The following LRPPRC variants were observed in gnomAD, a reference collection of about 807,000 sequenced individuals.
LRPPRC encodes leucine rich pentatricopeptide repeat containing.
A neutral mutation model predicts 180.3 loss-of-function variants in LRPPRC; 120 were observed. That is an observed-to-expected ratio of 0.67 (90% CI 0.57 to 0.77). The LOEUF is 0.77. Among genes scored for constraint, LRPPRC ranks in the 30% least tolerant of loss-of-function variants. The probability of loss-of-function intolerance (pLI) is 0.00; values close to 1 mark genes in which losing one functional copy is unlikely to be tolerated. For missense variants in LRPPRC, 2,012 were observed against 1,657.2 expected (o/e 1.21, Z -3.72); for synonymous variants, 723 against 600.0 (o/e 1.21, Z -3.00).
chr2:43,923,434 G>A (rs1025757534), intron 27 of LRPPRC, among the ~76,000 whole-genome samples: 1 of 152,210 alleles, frequency 6.6e-6, no homozygotes, highest in Non-Finnish European at 1.5e-5. Context: ...TGAGGCTGCA[G>A]TGAGCTCTGA....
chr2:43,896,615 A>G lies in LRPPRC; in HGVS notation c.3900+19T>C. ...GCACGTACAGTATCATTGATTTGTA[A>G]GCAGGTAAAGCACAGTACCTTTCCT... On this transcript the variant is annotated intron_variant, in intron 35 of 37. Coordinates refer to ENST00000260665, the MANE Select transcript of LRPPRC (RefSeq NM_133259.4). 1 of 1,494,418 alleles carries G rather than the reference A, an allele frequency of 6.7e-7. No individual in the cohort carries two copies. Among genetic ancestry groups the G allele is most frequent in the Non-Finnish European group, 9.3e-7 (1 of 1,071,744 alleles). The allele number at this position is 1,494,418 out of a possible 1,614,324, so 92.6% of individuals were successfully genotyped here. A position where few individuals can be genotyped will look rare whatever the true frequency, so the allele number is the denominator to read the frequency against.
rs908616224 is a variant in LRPPRC, at chr2:43,963,904, G to A, written c.1370-198C>T. On this transcript the variant is annotated intron_variant, in intron 11 of 37. Coordinates refer to ENST00000260665, the MANE Select transcript of LRPPRC (RefSeq NM_133259.4). ...ACTCCTCCTTTCTTCATCCCCCTCT[G>A]TGAAACAGTAAATTTCAAGAAACTA... 5 of 598,722 alleles carry A rather than the reference G, an allele frequency of 8.4e-6. No individual in the cohort carries two copies. The African/African-American group carries it at 9.3e-5, about 11-fold the overall frequency. The allele number at this position is 598,722 out of a possible 1,614,324, so 37.1% of individuals were successfully genotyped here. A position where few individuals can be genotyped will look rare whatever the true frequency, so the allele number is the denominator to read the frequency against.
rs1251249037 is a variant in LRPPRC, at chr2:43,888,318, G to A, written c.*282C>T. On this transcript the variant is annotated 3_prime_UTR_variant, in exon 38 of 38. Transcript: ENST00000260665. Reference sequence around the variant, plus strand: ...TTAATGAAATAAATGAAACAGAGCAGGGAAACCAAAGAGCCAATTAGGGGA... The same window carrying A: ...TTAATGAAATAAATGAAACAGAGCAAGGAAACCAAAGAGCCAATTAGGGGA... 8.3e-6 allele frequency: 3 copies of A among 359,470 alleles called. No individual in the cohort carries two copies. The highest frequency in any genetic ancestry group is 8.5e-5 in the Admixed American group (2 of 23,602). 22.3% of individuals were successfully genotyped at this position (359,470 alleles called of 1,614,324 possible).
intron 13 of LRPPRC, 103 bp from the exon 14 acceptor site, chr2:43,957,554 A>G (rs941539773): frequency 2.4e-6 from 2 of 825,372 alleles, no homozygotes. Context: ...TTTAGTTTTC[A>G]TTTTGGAAAT....
intron 25 of LRPPRC, among the ~76,000 whole-genome samples, chr2:43,927,829 T>C (rs192373459): frequency 1.2e-3 from 188 of 152,362 alleles, no homozygotes; most frequent in Admixed American, 3.7e-3. Flanking sequence ...TGTTTTCATA[T>C]ATAAATCTCA....
intron 6 of LRPPRC, among the ~76,000 whole-genome samples, 161 bp from the exon 7 acceptor site, chr2:43,975,378 G>A (rs1301943546): frequency 6.6e-6 from 1 of 151,998 alleles, no homozygotes; most frequent in Non-Finnish European, 1.5e-5. Flanking sequence ...ATATGTTTCT[G>A]AAATAATAAA....
At chr2:43,923,615 G>A (rs1671774227) in intron 27 of LRPPRC, among the ~76,000 whole-genome samples, 1 of 152,084 alleles carries the variant, frequency 6.6e-6, no homozygotes. Context: ...GTTAAGACTT[G>A]GTGATGGGGC....
rs76867982 is a variant in LRPPRC, at chr2:43,941,556, G to A, written c.2504+2131C>T. Among the ~76,000 whole-genome samples, 12 of 152,164 alleles carry A rather than the reference G, an allele frequency of 7.9e-5. No homozygotes were observed. In the East Asian group the frequency reaches 2.3e-3, roughly 29 times the overall value. On this transcript the variant is annotated intron_variant, in intron 23 of 37. Transcript: ENST00000260665. Reference sequence around the variant, plus strand: ...CGAATACACGTGGACTTTTTGGCAGGCTAGTGTGGTTAATCCTAGCACTTG... The same window carrying A: ...CGAATACACGTGGACTTTTTGGCAGACTAGTGTGGTTAATCCTAGCACTTG...
chr2:43,962,635 T>C (rs1673396111), intron 12 of LRPPRC, among the ~76,000 whole-genome samples: 1 of 152,142 alleles, frequency 6.6e-6, no homozygotes, highest in Non-Finnish European at 1.5e-5. Flanking sequence ...CCAATCAACA[T>C]CTTCATGTGC....
At chr2:43,993,365 C>T (rs1422969487) in intron 1 of LRPPRC, among the ~76,000 whole-genome samples, 1 of 152,078 alleles carries the variant, frequency 6.6e-6, no homozygotes, top group Non-Finnish European at 1.5e-5. Context: ...TGCAACTGTT[C>T]TTCAAGGCAC....
chr2:43,980,091 C>T, intron 2 of LRPPRC, 143 bp from the exon 3 acceptor site: 1 of 759,682 alleles, frequency 1.3e-6, no homozygotes, highest in Non-Finnish European at 2.3e-6. Flanking sequence ...AAAATCCTAT[C>T]CTAATGTACA....
chr2:43,902,676 G>T (rs1466086607), intron 31 of LRPPRC: 3 of 151,946 alleles, frequency 2.0e-5, no homozygotes, highest in Admixed American at 2.0e-4. Context: ...AAATACACAT[G>T]CACATATAGG....
chr2:43,947,221 G>T, intron 20 of LRPPRC, 36 bp downstream of exon 20: 1 of 966,946 alleles, frequency 1.0e-6, no homozygotes, highest in Non-Finnish European at 1.6e-6. Flanking sequence ...AGAATTTTTT[G>T]CCTTAATAAT....
chr2:43,946,029 G>T, intron 21 of LRPPRC, 84 bp downstream of exon 21: 2 of 1,351,770 alleles, frequency 1.5e-6, no homozygotes, highest in Non-Finnish European at 1.1e-6. Flanking sequence ...TTATATAAGA[G>T]AGTAATATTC....
intron 1 of LRPPRC, among the ~76,000 whole-genome samples, chr2:43,988,132 C>CA (rs1236932402): frequency 6.7e-6 from 1 of 149,738 alleles, no homozygotes; most frequent in Non-Finnish European, 1.5e-5. Flanking sequence ...CCCAGCAACT[C>CA]AGAAGGCTGA....
chr2:43,929,051 G>C (rs1671989986), intron 25 of LRPPRC, among the ~76,000 whole-genome samples: 1 of 152,158 alleles, frequency 6.6e-6, no homozygotes, highest in South Asian at 2.1e-4. Flanking sequence ...GTAAGAAAGA[G>C]AAAATACATT....
intron 36 of LRPPRC, 130 bp from the exon 37 acceptor site, chr2:43,890,006 T>G (rs1670429258): frequency 1.5e-6 from 1 of 677,442 alleles, no homozygotes; most frequent in East Asian, 2.7e-5. Flanking sequence ...CTACTTTCAG[T>G]AAGAAGCCAC....
At chr2:43,937,217 C>A (rs546003937) in intron 23 of LRPPRC, among the ~76,000 whole-genome samples, 2 of 152,072 alleles carry the variant, frequency 1.3e-5, no homozygotes, top group South Asian at 4.1e-4. Flanking sequence ...ACAGAAAAAA[C>A]AAGAATGGCA....
At chr2:43,965,159 G>A (rs1572554629) in intron 11 of LRPPRC, among the ~76,000 whole-genome samples, 1 of 152,108 alleles carries the variant, frequency 6.6e-6, no homozygotes, top group Non-Finnish European at 1.5e-5. Context: ...ACGTCACCAC[G>A]ACCAGCTAGT....
Sources: gnomAD v4.1 joint callset for allele counts (sites outside exome capture counted in the v4.1 genomes callset) on GRCh38, gnomAD v4.1.1 for gene constraint, MANE v1.5 for transcripts, NCBI Gene and HGNC (gene_info 2026-07-23, HGNC 2026-07-21) for gene names.